The following SRPX variants were observed in gnomAD, a reference collection of about 807,000 sequenced individuals.
SRPX encodes sushi repeat-containing protein SRPX.
Under a neutral mutation model 38.1 loss-of-function variants are expected in SRPX, and 24 were observed. The observed-to-expected ratio is 0.63, with a 90% confidence interval of 0.46 to 0.89. The LOEUF (loss-of-function observed/expected upper bound fraction) is 0.89. Ranked by LOEUF, SRPX falls within the 40% of genes least tolerant of loss-of-function variation. The pLI, the probability that SRPX is intolerant of heterozygous loss-of-function variation, is 0.00. For missense variants in SRPX, 416 were observed against 377.8 expected (o/e 1.10, Z -0.84); for synonymous variants, 184 against 153.8 (o/e 1.20, Z -1.45).
At chrX:38,212,893 T>A (rs1939356431) in intron 1 of SRPX, among the ~76,000 whole-genome samples, 1 of 111,671 alleles carries the variant, frequency 9.0e-6, no homozygotes, top group Non-Finnish European at 1.9e-5. Context: ...TCTATCCTTT[T>A]CTTGCCCAAA....
At chrX:38,195,382 G>GTTTTTTTTTTTTTTTTTTTT in intron 1 of SRPX, among the ~76,000 whole-genome samples, 1 of 87,970 alleles carries the variant, frequency 1.1e-5, no homozygotes, top group Admixed American at 1.2e-4. Flanking sequence ...GGTGTTTGTG[G>GTTTTTTTTTTTTTTTTTTTT]TTTTTTTTTT....
intron 5 of SRPX, among the ~76,000 whole-genome samples, chrX:38,163,555 T>C (rs1034009061): frequency 9.0e-6 from 1 of 111,648 alleles, no homozygotes; most frequent in African/African-American, 3.3e-5. Flanking sequence ...CAGGCCCAAA[T>C]GCTAGATTAG....
At position 38,195,029 on chromosome X, in the gene SRPX, C is replaced by T. The variant is rs2146004; in HGVS notation, c.98-16685G>A. Among the ~76,000 whole-genome samples the T allele has an allele frequency of 0.049, 5,361 of 108,350 alleles. 721 individuals carry two copies. The East Asian group carries it at 0.67, about 14-fold the overall frequency. 94.1% of individuals were successfully genotyped at this position (108,350 alleles called of 115,157 possible). ...CTAGGATTACAGGCACGTGCCACCA[C>T]GCCCAGCTAATTTTTGTATTTTTAG... On this transcript the variant is annotated intron_variant, in intron 1 of 9. Transcript: ENST00000378533.
intron 4 of SRPX, among the ~76,000 whole-genome samples, chrX:38,169,443 C>T (rs1213299341): frequency 1.5e-4 from 17 of 111,518 alleles, no homozygotes; most frequent in Non-Finnish European, 3.0e-4. Flanking sequence ...ATGTTTTATT[C>T]CAGAATTTCA....
At chrX:38,212,296 G>A (rs1939341398) in intron 1 of SRPX, among the ~76,000 whole-genome samples, 1 of 111,619 alleles carries the variant, frequency 9.0e-6, no homozygotes, top group Admixed American at 9.5e-5. Flanking sequence ...CCTACAGGCT[G>A]TACATGCTTA....
intron 1 of SRPX, among the ~76,000 whole-genome samples, chrX:38,185,898 A>AAG (rs1938769638): frequency 4.9e-5 from 4 of 82,002 alleles, no homozygotes; most frequent in South Asian, 1.8e-3. Flanking sequence ...AAAAAAAAAA[A>AAG]GGGGGGGGGG....
chrX:38,183,623 A>T (rs1938712154), intron 1 of SRPX, among the ~76,000 whole-genome samples: 1 of 111,940 alleles, frequency 8.9e-6, no homozygotes, highest in African/African-American at 3.2e-5. Context: ...AAAGGAAGAA[A>T]AATAGAGAAA....
intron 9 of SRPX, among the ~76,000 whole-genome samples, chrX:38,152,660 A>G (rs1291586692): frequency 8.9e-6 from 1 of 112,469 alleles, no homozygotes; most frequent in Non-Finnish European, 1.9e-5. Context: ...GCCCCAATAT[A>G]TACAATCTGA....
intron 1 of SRPX, among the ~76,000 whole-genome samples, chrX:38,209,107 C>T (rs1453454853): frequency 9.1e-6 from 1 of 109,453 alleles, no homozygotes; most frequent in East Asian, 2.8e-4. Context: ...TCTGCAATAT[C>T]AGATGGGCCA....
chrX:38,201,400 A>G (rs992294846), intron 1 of SRPX, among the ~76,000 whole-genome samples: 4 of 111,852 alleles, frequency 3.6e-5, no homozygotes, highest in Non-Finnish European at 7.5e-5. Flanking sequence ...AAAAAAGGTC[A>G]CAATATTCCA....
chrX:38,164,168 C>T (rs7059920), intron 5 of SRPX, among the ~76,000 whole-genome samples: 1 of 108,147 alleles, frequency 9.2e-6, no homozygotes, highest in South Asian at 4.1e-4. Flanking sequence ...TTTGAGATGG[C>T]GTCTCACTCT....
chrX:38,174,296 G>C lies in SRPX; in HGVS notation c.213C>G (p.Ala71=). ...KVKYGDVYCR[A]PQGGYYKTAL... The stretch of plus-strand genomic sequence containing the variant: ...CTGTTTTGTAGTATCCTCCTTGAGG[G>C]GCCCTGCAGTACACATCCCCATACT... The change falls in exon 3 of 10, where the codon GCC becomes GCG. Residue 71 remains alanine (A), a synonymous_variant. Coordinates refer to ENST00000378533, the MANE Select transcript of SRPX (RefSeq NM_006307.5). 8.8e-7 allele frequency: 1 copy of C among 1,137,364 alleles called. No individual in the cohort carries two copies. Among genetic ancestry groups the C allele is most frequent in the Non-Finnish European group, 1.2e-6 (1 of 859,335 alleles). 93.7% of individuals were successfully genotyped at this position (1,137,364 alleles called of 1,213,427 possible).
chrX:38,209,166 C>T (rs1016699778), intron 1 of SRPX, among the ~76,000 whole-genome samples: 12 of 110,008 alleles, frequency 1.1e-4, no homozygotes, highest in African/African-American at 3.6e-4. Flanking sequence ...GAAAAGTAAA[C>T]GATAATATCT....
At chrX:38,217,776 G>A (rs1321821349) in intron 1 of SRPX, among the ~76,000 whole-genome samples, 2 of 112,180 alleles carry the variant, frequency 1.8e-5, no homozygotes, top group East Asian at 5.6e-4. Context: ...GAGGACTGAT[G>A]AGGTGGGAAG....
At chrX:38,215,061 G>A (rs1015857184) in intron 1 of SRPX, among the ~76,000 whole-genome samples, 9 of 111,776 alleles carry the variant, frequency 8.1e-5, no homozygotes, top group African/African-American at 2.6e-4. Context: ...TGTAAGAGTG[G>A]GACAGAAGAA....
chrX:38,217,865 A>C (rs1472947017), intron 1 of SRPX, among the ~76,000 whole-genome samples: 3 of 112,261 alleles, frequency 2.7e-5, no homozygotes, highest in Non-Finnish European at 5.6e-5. Flanking sequence ...GTAACTAACA[A>C]ACAACATTGT....
chrX:38,149,641 T>G lies in SRPX; in HGVS notation c.*70A>C. 1 of 1,002,057 alleles carries G rather than the reference T, an allele frequency of 1.0e-6. No homozygotes were observed. Among genetic ancestry groups the G allele is most frequent in the Non-Finnish European group, 1.3e-6 (1 of 749,616 alleles). 82.6% of individuals were successfully genotyped at this position (1,002,057 alleles called of 1,213,427 possible). A position where few individuals can be genotyped will look rare whatever the true frequency, so the allele number is the denominator to read the frequency against. On this transcript the variant is annotated 3_prime_UTR_variant, in exon 10 of 10. Coordinates refer to ENST00000378533, the MANE Select transcript of SRPX (RefSeq NM_006307.5). The stretch of plus-strand genomic sequence containing the variant: ...TAAAATCTGTACATCAAGGATATTT[T>G]TAAGGCTTTCCCGTGTGCATGTCAC...
chrX:38,160,487 C>T (rs546798010), intron 6 of SRPX, among the ~76,000 whole-genome samples: 7 of 111,888 alleles, frequency 6.3e-5, no homozygotes, highest in South Asian at 7.5e-4. Flanking sequence ...GTTGCCCAAA[C>T]CATCAGGCAT....
chrX:38,155,088 A>G (rs1251778626), intron 8 of SRPX, among the ~76,000 whole-genome samples: 1 of 110,403 alleles, frequency 9.1e-6, no homozygotes, highest in Non-Finnish European at 1.9e-5. Flanking sequence ...GGCCCAGTCA[A>G]CCACGAGGAG....
Sources: allele counts gnomAD v4.1 joint callset (sites outside exome capture counted in the v4.1 genomes callset), GRCh38; gene constraint gnomAD v4.1.1; transcripts MANE v1.5; gene names NCBI Gene and HGNC (gene_info 2026-07-23, HGNC 2026-07-21).